The following PSG8 variants were observed in gnomAD, a reference collection of about 807,000 sequenced individuals.
PSG8 encodes the protein pregnancy specific beta-1-glycoprotein 8, also known as pregnancy-specific beta-1-glycoprotein 8.
A neutral mutation model predicts 42.5 loss-of-function variants in PSG8; 57 were observed. The observed-to-expected ratio is 1.34, with a 90% CI of 1.08 to 1.67. The LOEUF is 1.67. Among genes scored for constraint, PSG8 ranks in the 40% most tolerant of loss-of-function variants. PSG8 has a pLI of 0.00. For synonymous variants in PSG8, 280 were observed against 196.8 expected, an observed-to-expected ratio of 1.42 and a Z score of -3.54; for missense variants, 783 against 518.6, an observed-to-expected ratio of 1.51 and a Z score of -4.95.
chr19:42,763,708 G>C (rs534158734), intron 2 of PSG8: 2 of 963,950 alleles, frequency 2.1e-6, no homozygotes, highest in Non-Finnish European at 3.1e-6. Flanking sequence ...TCTGCAGCGA[G>C]TGTCTGCAGG....
rs762517047 is a variant in PSG8 at position 42,765,628 on chromosome 19, T to C, written c.-47A>G. 6.3e-7 allele frequency: 1 copy of C among 1,598,662 alleles called. No homozygotes were observed. Among genetic ancestry groups the C allele is most frequent in the Non-Finnish European group, 8.5e-7 (1 of 1,169,802 alleles). On this transcript the variant is annotated 5_prime_UTR_variant, in exon 1 of 5. Coordinates refer to ENST00000306511, the MANE Select transcript of PSG8 (RefSeq NM_182707.3). Reference sequence around the variant, plus strand: ...CTCCTCTGTGGAGATGAGCCTAGGATCCAGAAGCTTCCTGAGCACAGCTCT... The same window carrying C: ...CTCCTCTGTGGAGATGAGCCTAGGACCCAGAAGCTTCCTGAGCACAGCTCT...
At chr19:42,765,132 C>T (rs1343100352) in intron 1 of PSG8, among the ~76,000 whole-genome samples, 1 of 151,120 alleles carries the variant, frequency 6.6e-6, no homozygotes, top group Non-Finnish European at 1.5e-5. Flanking sequence ...CCAATAGAGC[C>T]TTCTTTCCTT....
intron 2 of PSG8, among the ~76,000 whole-genome samples, chr19:42,761,770 A>C (rs1225521530): frequency 6.6e-6 from 1 of 150,814 alleles, no homozygotes; most frequent in African/African-American, 2.4e-5. Context: ...CCTGTTTGGC[A>C]GACTTGGAGT....
At chr19:42,758,396 C>A in intron 2 of PSG8, 116 bp from the exon 3 acceptor site, 1 of 1,528,272 alleles carries the variant, frequency 6.5e-7, no homozygotes, top group African/African-American at 1.4e-5. Flanking sequence ...CCTTAAAAGC[C>A]CATGGCAGGT....
downstream of PSG8, chr19:42,752,866 C>A (rs574059218): frequency 3.2e-5 from 7 of 217,482 alleles, no homozygotes; most frequent in Admixed American, 1.0e-4. Flanking sequence ...AACACACGGG[C>A]AATATCTCTG....
intron 2 of PSG8, among the ~76,000 whole-genome samples, chr19:42,760,995 C>A (rs1214186422): frequency 6.6e-6 from 1 of 152,112 alleles, no homozygotes; most frequent in African/African-American, 2.4e-5. Context: ...CCAGAAGTCT[C>A]TAGGAAGTGA....
intron 2 of PSG8, 123 bp from the exon 3 acceptor site, chr19:42,758,403 A>C: frequency 6.6e-7 from 1 of 1,521,398 alleles, no homozygotes; most frequent in Non-Finnish European, 8.8e-7. Flanking sequence ...AGCCCATGGC[A>C]GGTGTGTGTG....
At position 42,765,609 on chromosome 19, in the gene PSG8, T is replaced by C. The variant is rs1439628924; in HGVS notation, c.-28A>G. ...TCTCTGCTGTCTGTGTGTTCTCCTC[T>C]GTGGAGATGAGCCTAGGATCCAGAA... On this transcript the variant is annotated 5_prime_UTR_variant, in exon 1 of 5. Transcript: ENST00000306511. 15 of 1,606,864 alleles carry C rather than the reference T, an allele frequency of 9.3e-6. No individual in the cohort carries two copies. The highest frequency in any genetic ancestry group is 1.3e-5 in the Non-Finnish European group (15 of 1,175,202).
Position 42,764,306 on chromosome 19 carries a change from C to T in PSG8, c.65-25G>A, listed in dbSNP as rs112199732. ...GCTAGGAGGTGGAGAGAGCATCAGT[C>T]AATATTGAGAGCTATGTATTGGTGT... On this transcript the variant is annotated intron_variant, in intron 1 of 4. Transcript: ENST00000306511. 10,595 of 1,603,192 alleles carry T rather than the reference C, an allele frequency of 6.6e-3. 563 individuals are homozygous for T. In the African/African-American group the frequency reaches 0.12, roughly 18 times the overall value.
chr19:42,753,115 C>T (rs1045255453), downstream of PSG8: 12 of 638,314 alleles, frequency 1.9e-5, no homozygotes, highest in African/African-American at 2.2e-4. Flanking sequence ...GTTCTGACAT[C>T]TTGGGAAAAA....
At chr19:42,759,967 T>C (rs1970032292) in intron 2 of PSG8, among the ~76,000 whole-genome samples, 1 of 152,162 alleles carries the variant, frequency 6.6e-6, no homozygotes, top group South Asian at 2.1e-4. Flanking sequence ...GGGTAGTGTG[T>C]CAATTACATA....
At chr19:42,754,740 A>G in intron 4 of PSG8, 153 bp from the exon 5 acceptor site, 1 of 1,304,436 alleles carries the variant, frequency 7.7e-7, no homozygotes, top group African/African-American at 1.5e-5. Flanking sequence ...ATCCTCAGGT[A>G]TTCACCTGTT....
At chr19:42,765,321 T>C (rs1439823559) in intron 1 of PSG8, among the ~76,000 whole-genome samples, 197 bp downstream of exon 1, 1 of 151,950 alleles carries the variant, frequency 6.6e-6, no homozygotes, top group African/African-American at 2.4e-5. Context: ...TCTGGTTAAA[T>C]TTTTGTATTT....
intron 2 of PSG8, among the ~76,000 whole-genome samples, chr19:42,759,457 C>T (rs1600414491): frequency 6.6e-6 from 1 of 152,124 alleles, no homozygotes; most frequent in Admixed American, 6.5e-5. Flanking sequence ...AGGCTTAAAA[C>T]AAAGTGTTTT....
In PSG8 at chr19:42,765,534, C is replaced by T. The variant is rs61393109; in HGVS notation, c.48G>A (p.Lys16=). The T allele has an allele frequency of 2.1e-3, 3,427 of 1,611,016 alleles. 88 individuals carry two copies. The African/African-American group carries it at 0.04, about 19-fold the overall frequency. Residue 16 remains lysine (K), a synonymous_variant, in exon 1 of 5, where the codon AAG becomes AAA. Transcript: ENST00000306511. ...TCTCCTCACCTGTGAGCAGGAGCCC[C>T]TTCCAGGTGATGCGCTGTGTGCAGG... is the stretch of plus-strand genomic sequence containing the variant. ...APPCTQRITW[K]GLLLTASLLN...
chr19:42,758,403 A>G, intron 2 of PSG8, 123 bp from the exon 3 acceptor site: 1 of 1,521,398 alleles, frequency 6.6e-7, no homozygotes, highest in Non-Finnish European at 8.8e-7. Context: ...AGCCCATGGC[A>G]GGTGTGTGTG....
intron 2 of PSG8, 129 bp from the exon 3 acceptor site, chr19:42,758,409 G>A (rs1356525363): frequency 2.0e-6 from 3 of 1,516,116 alleles, no homozygotes; most frequent in Admixed American, 2.2e-5. Flanking sequence ...TGGCAGGTGT[G>A]TGTGTTGCAA....
chr19:42,754,792 G>T (rs370964732), intron 4 of PSG8, 196 bp downstream of exon 4: 47,802 of 1,297,340 alleles, frequency 0.037, no homozygotes, highest in Non-Finnish European at 0.045. Context: ...CCCATGACAA[G>T]AGCGTCCACT....
rs551483762 is a variant in PSG8 at position 42,763,649 on chromosome 19, T to G, written c.430+267A>C. 1.5e-3 allele frequency: 927 copies of G among 632,276 alleles called. 4 individuals are homozygous for G. Among genetic ancestry groups the G allele is most frequent in the African/African-American group, 6.4e-3 (344 of 53,974 alleles). 39.2% of individuals were successfully genotyped at this position (632,276 alleles called of 1,614,324 possible). ...TTATGAAGAGGGCATGAGGTGCTTG[T>G]CTGAGACTGATCTCCTCCTGCTGAG... On this transcript the variant is annotated intron_variant, in intron 2 of 4. Transcript: ENST00000306511.
Sources: gnomAD v4.1 joint callset for allele counts (sites outside exome capture counted in the v4.1 genomes callset) on GRCh38, gnomAD v4.1.1 for gene constraint, MANE v1.5 for transcripts, NCBI Gene and HGNC (gene_info 2026-07-23, HGNC 2026-07-21) for gene names.